AURKB: variants seen among roughly 807,000 people sequenced by gnomAD.
AURKB encodes aurora kinase B, also known as aurora kinase B-Sv1.
Under a neutral mutation model 36.5 loss-of-function variants are expected in AURKB, and 28 were observed. That is an observed-to-expected ratio of 0.77 (90% CI 0.57 to 1.05). AURKB has a LOEUF of 1.05. AURKB is among the 50% of genes least tolerant of loss of function. AURKB has a pLI of 0.00. For missense variants in AURKB, 383 were observed against 447.4 expected (o/e 0.86, Z 1.30); for synonymous variants, 175 against 172.9 (o/e 1.01, Z -0.09).
At position 8,210,125 on chromosome 17, in the gene AURKB, G is replaced by A. The variant is rs201711309; in HGVS notation, c.48+52C>T. 835 of 1,602,794 alleles carry A rather than the reference G, an allele frequency of 5.2e-4. 1 individual carries two copies. The highest frequency in any genetic ancestry group is 1.2e-3 in the Middle Eastern group (7 of 5,856). ...TGCAGGATCTCAAGTTTCCCAGCAG[G>A]AACTCGCCATGCGGGGTCATGGGGG... On this transcript the variant is annotated intron_variant, in intron 2 of 8. Transcript: ENST00000585124.
intron 1 of AURKB, 38 bp from the exon 2 acceptor site, chr17:8,210,287 A>G: frequency 6.9e-7 from 1 of 1,441,720 alleles, no homozygotes; most frequent in Non-Finnish European, 9.6e-7. Flanking sequence ...GAAGCAGAGA[A>G]AAAGAGAGAG....
intron 5 of AURKB, 115 bp from the exon 6 acceptor site, chr17:8,207,003 G>T (rs1985404525): frequency 4.6e-6 from 7 of 1,523,594 alleles, no homozygotes; most frequent in Non-Finnish European, 6.2e-6. Context: ...GGCTGGGAGT[G>T]GTAAGGGGAA....
Position 8,207,758 on chromosome 17 carries a change from C to T in AURKB, c.131G>A (p.Arg44His), listed in dbSNP as rs201438176. 2.9e-5 allele frequency: 47 copies of T among 1,614,134 alleles called. No individual in the cohort carries two copies. The East Asian group carries it at 7.1e-4, about 24-fold the overall frequency. Reference sequence around the variant, plus strand: ...GTTACCTGTGGGCTGGACATTGGAGCGGCTCATGAGGACAAGTGCAGATGG... The same window carrying T: ...GTTACCTGTGGGCTGGACATTGGAGTGGCTCATGAGGACAAGTGCAGATGG... ...VTPSALVLMSRSNVQPTAAPG... is the reference protein window; with the variant it reads ...VTPSALVLMSHSNVQPTAAPG... The change falls in exon 3 of 9, where the codon CGC (arginine) becomes CAC (histidine). Residue 44 changes from arginine (R) to histidine (H), a missense_variant. Coordinates refer to ENST00000585124, the MANE Select transcript of AURKB (RefSeq NM_004217.4).
chr17:8,204,948 G>A lies in AURKB; in HGVS notation c.958C>T (p.Gln320Ter). Residue 320 changes from glutamine (Q) to a stop codon, truncating the protein, a stop_gained, in exon 9 of 9, where the codon CAG (glutamine) becomes TAG (stop). Transcript: ENST00000585124. LOFTEE classifies it high-confidence loss of function. ...HNPSERLPLA[Q>*]VSAHPWVRAN... ...CGGACCCAAGGGTGGGCTGAGACCT[G>A]GGCCAGGGGCAGCCGTTCCGAGGGG... The A allele has an allele frequency of 6.2e-7, 1 of 1,609,674 alleles. No homozygotes were observed. The highest frequency in any genetic ancestry group is 2.2e-5 in the East Asian group (1 of 44,850).
chr17:8,210,366 C>T (rs1347457187), intron 1 of AURKB, 117 bp from the exon 2 acceptor site: 4 of 740,016 alleles, frequency 5.4e-6, no homozygotes, highest in Admixed American at 2.7e-5. Context: ...CAGGTCAGCA[C>T]ACTAGCCCCA....
At position 8,204,735 on chromosome 17, in the gene AURKB, G is replaced by T; in HGVS notation, c.*136C>A. On this transcript the variant is annotated 3_prime_UTR_variant, in exon 9 of 9. Transcript: ENST00000585124. ...TCCACCTAGAAACATCTACACTCAT[G>T]AGTACAAAAAGCTTCAGCCTTTATT... 8 of 1,199,056 alleles carry T rather than the reference G, an allele frequency of 6.7e-6. No individual in the cohort carries two copies. The highest frequency in any genetic ancestry group is 9.4e-6 in the Non-Finnish European group (8 of 849,280). 74.3% of individuals were successfully genotyped at this position (1,199,056 alleles called of 1,614,324 possible). A position where few individuals can be genotyped will look rare whatever the true frequency, so the allele number is the denominator to read the frequency against.
At chr17:8,210,092 T>C in intron 2 of AURKB, 85 bp downstream of exon 2, 3 of 1,522,502 alleles carry the variant, frequency 2.0e-6, no homozygotes, top group South Asian at 2.3e-5. Flanking sequence ...GCTTAAAGGA[T>C]TGCTCATTGC....
chr17:8,206,310 T>A lies in AURKB; in HGVS notation c.686+181A>T, dbSNP rs1028998132. On this transcript the variant is annotated intron_variant, in intron 7 of 8. Coordinates refer to ENST00000585124, the MANE Select transcript of AURKB (RefSeq NM_004217.4). The surrounding 1 kb of genome is among the most constrained non-coding windows in gnomAD (Gnocchi z 4.2). ...CATGGCCGGCTAATTTTTGTATATT[T>A]AGTAGAGACAAGGTTTCATCATGTT... Among the ~76,000 whole-genome samples, 3 of 151,992 alleles carry A rather than the reference T, an allele frequency of 2.0e-5. No individual in the cohort carries two copies. Among genetic ancestry groups the A allele is most frequent in the Non-Finnish European group, 4.4e-5 (3 of 68,002 alleles).
Position 8,204,854 on chromosome 17 carries a change from G to C in AURKB, c.*17C>G, listed in dbSNP as rs1270372240. The C allele has an allele frequency of 6.2e-7, 1 of 1,611,926 alleles. No homozygotes were observed. The highest frequency in any genetic ancestry group is 8.5e-7 in the Non-Finnish European group (1 of 1,179,478). On this transcript the variant is annotated 3_prime_UTR_variant, in exon 9 of 9. Coordinates refer to ENST00000585124, the MANE Select transcript of AURKB (RefSeq NM_004217.4). ...CAGACATACAAACACACGCACCCGAGTGAATGACAGGGACCATCAGGCGAC... is the reference window on the plus strand; with the variant it reads ...CAGACATACAAACACACGCACCCGACTGAATGACAGGGACCATCAGGCGAC...
chr17:8,207,223 G>A lies in AURKB; in HGVS notation c.351C>T (p.Gly117=), dbSNP rs762386906. Reference sequence around the variant, plus strand: ...TCTCTCTGCGCAGCTGATGCTCCACGCCCTCCTTCTCTATCTGGGACTTGA... The same window carrying A: ...TCTCTCTGCGCAGCTGATGCTCCACACCCTCCTTCTCTATCTGGGACTTGA... The part of the protein sequence containing the change: ...VLFKSQIEKE[G]VEHQLRREIE... Residue 117 remains glycine (G), a synonymous_variant, in exon 5 of 9, where the codon GGC becomes GGT. Coordinates refer to ENST00000585124, the MANE Select transcript of AURKB (RefSeq NM_004217.4). 1.7e-5 allele frequency: 27 copies of A among 1,614,014 alleles called. No individual in the cohort carries two copies. Among genetic ancestry groups the A allele is most frequent in the South Asian group, 2.2e-5 (2 of 91,082 alleles).
At chr17:8,208,008 G>C (rs1985591990) in intron 2 of AURKB, 168 bp from the exon 3 acceptor site, 12 of 592,682 alleles carry the variant, frequency 2.0e-5, no homozygotes, top group Non-Finnish European at 5.9e-6. Context: ...TCTGCTCATA[G>C]TCCCATATTA....
In AURKB at chr17:8,207,160, G is replaced by C. The variant is rs1217357321; in HGVS notation, c.398+16C>G. 1 of 1,606,446 alleles carries C rather than the reference G, an allele frequency of 6.2e-7. No homozygotes were observed. The highest frequency in any genetic ancestry group is 8.5e-7 in the Non-Finnish European group (1 of 1,174,600). ...GGGAGCAGAGGGGCTTCGGCTCAGG[G>C]GGCATCAACCCATACTGCAGGTGGG... On this transcript the variant is annotated intron_variant, in intron 5 of 8. Transcript: ENST00000585124.
chr17:8,207,876 TTGTC>T (rs1985572868), intron 2 of AURKB, 36 bp from the exon 3 acceptor site: 1 of 1,544,588 alleles, frequency 6.5e-7, no homozygotes, highest in African/African-American at 1.4e-5. Flanking sequence ...GAGGGTGCCT[TTGTC>T]TGATGACCGG....
Position 8,205,275 on chromosome 17 carries a change from C to A in AURKB, c.802G>T (p.Val268Leu), listed in dbSNP as rs377723203. The change falls in exon 8 of 9, where the codon GTG (valine) becomes TTG (leucine). Residue 268 changes from valine to leucine, a missense_variant. Val to Leu is a conservative substitution (Grantham distance 32). Coordinates refer to ENST00000585124, the MANE Select transcript of AURKB (RefSeq NM_004217.4). ...GCACTCTCAAAGGGTGGGTTCCCCA[C>A]CAGCAGCTCATAGCAAAGCACTCCA... The part of the protein sequence containing the change: ...CIGVLCYELL[V>L]GNPPFESASH... The A allele has an allele frequency of 1.9e-6, 3 of 1,614,210 alleles. No homozygotes were observed. The South Asian group carries it at 3.3e-5, about 18-fold the overall frequency.
rs996169561 is a variant in AURKB, at chr17:8,205,530, G to GTGGGGT, written c.687-146_687-141dup. On this transcript the variant is annotated intron_variant, in intron 7 of 8. Transcript: ENST00000585124. ...GCCAGGCAAGGCCACTGGAGTGGGGGTGGGGTTGGGGTGATGATATATCCC... is the reference window on the plus strand; with the variant it reads ...GCCAGGCAAGGCCACTGGAGTGGGGGTGGGGTTGGGGTTGGGGTGATGATATATCCC... 5 of 1,056,046 alleles carry GTGGGGT rather than the reference G, an allele frequency of 4.7e-6. No individual in the cohort carries two copies. The African/African-American group carries it at 6.3e-5, about 13-fold the overall frequency. 65.4% of individuals were successfully genotyped at this position (1,056,046 alleles called of 1,614,324 possible).
At chr17:8,210,329 G>A (rs1226784567) in intron 1 of AURKB, 80 bp from the exon 2 acceptor site, 6 of 1,104,088 alleles carry the variant, frequency 5.4e-6, no homozygotes, top group South Asian at 2.7e-5. Context: ...CGAGCCGGAA[G>A]CGCTAGCCCG....
At chr17:8,209,274 G>A (rs1985806118) in intron 2 of AURKB, among the ~76,000 whole-genome samples, 1 of 152,212 alleles carries the variant, frequency 6.6e-6, no homozygotes, top group Non-Finnish European at 1.5e-5. Flanking sequence ...CAGCCTCCCA[G>A]TGCTGGGATT....
intron 7 of AURKB, among the ~76,000 whole-genome samples, chr17:8,205,984 C>T (rs1013782841): frequency 6.6e-6 from 1 of 152,144 alleles, no homozygotes; most frequent in Non-Finnish European, 1.5e-5. Context: ...GTCTTGAACT[C>T]CTGGCCTCAA....
At chr17:8,205,873 G>A (rs1985194831) in intron 7 of AURKB, among the ~76,000 whole-genome samples, 2 of 149,300 alleles carry the variant, frequency 1.3e-5, no homozygotes, top group Middle Eastern at 3.7e-3. Context: ...TCAGCCTCCC[G>A]AACAGCTGGG....
Sources: allele counts gnomAD v4.1 joint callset (sites outside exome capture counted in the v4.1 genomes callset), GRCh38; gene constraint gnomAD v4.1.1; non-coding constraint Gnocchi (gnomAD v3.1); transcripts MANE v1.5; gene names NCBI Gene and HGNC (gene_info 2026-07-23, HGNC 2026-07-21).